HDAC8: variants seen among roughly 807,000 people sequenced by gnomAD.
The protein encoded by HDAC8 is histone deacetylase 8.
In HDAC8, 1 loss-of-function variant was observed where a neutral mutation model predicts 32.2. That is an observed-to-expected ratio of 0.03 (90% CI 0.01 to 0.15). The LOEUF is 0.15. Among genes scored for constraint, HDAC8 ranks in the 10% least tolerant of loss-of-function variants. The pLI is 1.00. For synonymous variants in HDAC8, 108 were observed against 113.9 expected, an observed-to-expected ratio of 0.95 and a Z score of 0.33; for missense variants, 117 against 300.0, an observed-to-expected ratio of 0.39 and a Z score of 4.51.
At chrX:72,421,465 G>C (rs1247836444) in intron 9 of HDAC8, among the ~76,000 whole-genome samples, 1 of 111,558 alleles carries the variant, frequency 9.0e-6, no homozygotes, top group Admixed American at 9.5e-5. Flanking sequence ...GTGGTGTTTG[G>C]TTTTCTGTTC....
chrX:72,426,906 A>AAG (rs781951869), intron 9 of HDAC8, among the ~76,000 whole-genome samples: 1 of 109,729 alleles, frequency 9.1e-6, no homozygotes, highest in Non-Finnish European at 1.9e-5. Flanking sequence ...TAAGAAGAGG[A>AAG]AGAGAGAGAG....
At chrX:72,393,705 C>T (rs1180112577) in intron 9 of HDAC8, among the ~76,000 whole-genome samples, 2 of 111,134 alleles carry the variant, frequency 1.8e-5, no homozygotes, top group Non-Finnish European at 1.9e-5. Flanking sequence ...AGGAATGTAA[C>T]ACCCCCCACT....
chrX:72,399,378 A>G (rs2045846466), intron 9 of HDAC8, among the ~76,000 whole-genome samples: 1 of 112,024 alleles, frequency 8.9e-6, no homozygotes. Context: ...TGTTATAAAT[A>G]CTATAGCTGT....
intron 4 of HDAC8, among the ~76,000 whole-genome samples, chrX:72,547,082 C>T (rs1556057406): frequency 9.0e-6 from 1 of 111,072 alleles, no homozygotes; most frequent in East Asian, 2.8e-4. Flanking sequence ...AGTAGCTTTC[C>T]TTTCCTATTT....
At chrX:72,437,608 C>T (rs1318508479) in intron 9 of HDAC8, among the ~76,000 whole-genome samples, 2 of 112,109 alleles carry the variant, frequency 1.8e-5, no homozygotes, top group East Asian at 5.6e-4. Flanking sequence ...ATTCTCGCTG[C>T]CAGCACAGCA....
chrX:72,333,337 T>C (rs2043585097), intron 10 of HDAC8, among the ~76,000 whole-genome samples: 1 of 111,977 alleles, frequency 8.9e-6, no homozygotes, highest in Non-Finnish European at 1.9e-5. Flanking sequence ...GTCCTCCTGC[T>C]TCTAGAGCTA....
intron 4 of HDAC8, 152 bp downstream of exon 4, chrX:72,567,737 T>A (rs1305637872): frequency 1.7e-6 from 2 of 1,208,935 alleles, no homozygotes; most frequent in Non-Finnish European, 2.2e-6. Flanking sequence ...TAATCTTTTT[T>A]CTATTTCACT....
intron 9 of HDAC8, among the ~76,000 whole-genome samples, chrX:72,361,229 A>G (rs781980478): frequency 6.2e-5 from 7 of 112,129 alleles, no homozygotes; most frequent in African/African-American, 1.9e-4. Flanking sequence ...ACACCAGTGC[A>G]TGGTCGTGCC....
At chrX:72,525,346 T>C (rs955449659) in intron 4 of HDAC8, among the ~76,000 whole-genome samples, 65 of 110,768 alleles carry the variant, frequency 5.9e-4, no homozygotes, top group Non-Finnish European at 9.5e-4. Flanking sequence ...AGACGAAAGC[T>C]TGGTACACAG....
chrX:72,570,663 T>C (rs1175657165), intron 2 of HDAC8, among the ~76,000 whole-genome samples: 3 of 110,625 alleles, frequency 2.7e-5, no homozygotes, highest in Non-Finnish European at 5.7e-5. Flanking sequence ...ATGATTTTGT[T>C]AATAATAAGG....
At chrX:72,479,307 T>C (rs1216599476) in intron 7 of HDAC8, among the ~76,000 whole-genome samples, 3 of 111,282 alleles carry the variant, frequency 2.7e-5, no homozygotes, top group African/African-American at 9.8e-5. Flanking sequence ...GTGGGGTGCA[T>C]GGTGGAGAGC....
intron 4 of HDAC8, among the ~76,000 whole-genome samples, chrX:72,539,325 G>A (rs782763987): frequency 3.6e-5 from 4 of 111,035 alleles, no homozygotes; most frequent in East Asian, 2.8e-4. Flanking sequence ...TCCGCCTCCC[G>A]GGTTCAAGTG....
chrX:72,402,641 T>C, intron 9 of HDAC8, among the ~76,000 whole-genome samples: 1 of 111,648 alleles, frequency 9.0e-6, no homozygotes, highest in Non-Finnish European at 1.9e-5. Flanking sequence ...ATTTTCTGCA[T>C]ATTTGTGAAT....
At chrX:72,434,104 C>T (rs897165183) in intron 9 of HDAC8, among the ~76,000 whole-genome samples, 1 of 111,589 alleles carries the variant, frequency 9.0e-6, no homozygotes, top group Non-Finnish European at 1.9e-5. Flanking sequence ...AACCAAAATC[C>T]CGGACCCTGC....
At position 72,479,045 on chromosome X, in the gene HDAC8, C is replaced by T. The variant is rs140841992; in HGVS notation, c.737+9888G>A. Among the ~76,000 whole-genome samples, 167 of 111,645 alleles carry T rather than the reference C, an allele frequency of 1.5e-3. 2 individuals carry two copies. The highest frequency in any genetic ancestry group is 7.6e-4 in the South Asian group (2 of 2,644). ...TGCACACAGAGCAAAGTCCAGCCAA[C>T]GTAACATCAGGCTTTTTCATCAGGT... On this transcript the variant is annotated intron_variant, in intron 7 of 10. Coordinates refer to ENST00000373573, the MANE Select transcript of HDAC8 (RefSeq NM_018486.3).
chrX:72,386,122 A>C (rs1352582566), intron 9 of HDAC8, among the ~76,000 whole-genome samples: 1 of 112,554 alleles, frequency 8.9e-6, no homozygotes, highest in Non-Finnish European at 1.9e-5. Flanking sequence ...AGGATGAGAT[A>C]CTATAAAGCA....
intron 4 of HDAC8, among the ~76,000 whole-genome samples, chrX:72,561,833 G>A (rs1442053131): frequency 9.0e-6 from 1 of 111,467 alleles, no homozygotes; most frequent in Non-Finnish European, 1.9e-5. Flanking sequence ...AAATCAGCAA[G>A]AAAAAAGCAA....
At chrX:72,483,379 G>C (rs1292038116) in intron 7 of HDAC8, among the ~76,000 whole-genome samples, 1 of 110,860 alleles carries the variant, frequency 9.0e-6, no homozygotes, top group Non-Finnish European at 1.9e-5. Flanking sequence ...CACTTTATGA[G>C]TTAATAAGAG....
intron 9 of HDAC8, among the ~76,000 whole-genome samples, chrX:72,430,582 A>G (rs965117409): frequency 1.2e-4 from 13 of 112,163 alleles, no homozygotes; most frequent in African/African-American, 3.9e-4. Flanking sequence ...TTCTCATAGC[A>G]CATACTGCTA....
Sources: gnomAD v4.1 joint callset for allele counts (sites outside exome capture counted in the v4.1 genomes callset) on GRCh38, gnomAD v4.1.1 for gene constraint, MANE v1.5 for transcripts, NCBI Gene and HGNC (gene_info 2026-07-23, HGNC 2026-07-21) for gene names.